PCDHGB2: variants seen among roughly 807,000 people sequenced by gnomAD.
PCDHGB2 encodes protocadherin gamma subfamily B, 2.
Under a neutral mutation model 59.3 loss-of-function variants are expected in PCDHGB2, and 55 were observed. The ratio of observed to expected loss-of-function variants is 0.93; its 90% CI spans 0.75 to 1.16. The LOEUF is 1.16. PCDHGB2 is among the 50% of genes most tolerant of loss of function. The pLI, the probability that PCDHGB2 is intolerant of heterozygous loss-of-function variation, is 0.00. For missense variants in PCDHGB2, 1,228 were observed against 1,198.5 expected (o/e 1.02, Z -0.36); for synonymous variants, 516 against 512.0 (o/e 1.01, Z -0.11).
At chr5:141,430,877 G>T in intron 1 of PCDHGB2, 1 of 1,600,796 alleles carries the variant, frequency 6.2e-7, no homozygotes. Flanking sequence ...GGAAGAGCTG[G>T]AGAAAGGCTC....
chr5:141,423,085 G>A, intron 1 of PCDHGB2: 1 of 1,614,072 alleles, frequency 6.2e-7, no homozygotes, highest in Non-Finnish European at 8.5e-7. Flanking sequence ...ACTCTTCGCG[G>A]TGGGGGAGCA....
At chr5:141,366,517 C>A (rs1764609891) in intron 1 of PCDHGB2, 1 of 1,614,130 alleles carries the variant, frequency 6.2e-7, no homozygotes, top group Admixed American at 1.7e-5. Flanking sequence ...AGGCTGAAGG[C>A]AGCAGGTTGG....
intron 1 of PCDHGB2, chr5:141,364,083 A>T: frequency 2.6e-6 from 1 of 382,740 alleles, no homozygotes; most frequent in Non-Finnish European, 4.6e-6. Context: ...GAGAAATAAA[A>T]ATGGAATTTG....
At chr5:141,399,805 T>C (rs776266997) in intron 1 of PCDHGB2, 26 of 1,613,074 alleles carry the variant, frequency 1.6e-5, no homozygotes, top group Non-Finnish European at 8.5e-7. Flanking sequence ...GCGGGTGCTG[T>C]ACCCCGCGCT....
intron 1 of PCDHGB2, chr5:141,375,350 A>C (rs1442876922): frequency 1.2e-6 from 2 of 1,613,744 alleles, no homozygotes; most frequent in African/African-American, 1.3e-5. Context: ...CATCACTGTG[A>C]CAGCCACGGA....
At chr5:141,464,413 A>G (rs2099083422) in intron 1 of PCDHGB2, among the ~76,000 whole-genome samples, 1 of 151,632 alleles carries the variant, frequency 6.6e-6, no homozygotes, top group African/African-American at 2.4e-5. Context: ...ATATATATAT[A>G]TCTATATATA....
Position 141,485,785 on chromosome 5 carries a change from G to C in PCDHGB2, c.2422-9022G>C. ...TGGAGAAGCCTTTGGATCGAGAGAAGCAATCGGACTACCGCCTGGTGCTGA... is the reference window on the plus strand; with the variant it reads ...TGGAGAAGCCTTTGGATCGAGAGAACCAATCGGACTACCGCCTGGTGCTGA... On this transcript the variant is annotated intron_variant, in intron 1 of 3. Coordinates refer to ENST00000522605, the MANE Select transcript of PCDHGB2 (RefSeq NM_018923.3). The surrounding 1 kb of genome is among the most constrained non-coding windows in gnomAD (Gnocchi z 5.7). The C allele has an allele frequency of 1.2e-6, 2 of 1,614,214 alleles. No individual in the cohort carries two copies. The highest frequency in any genetic ancestry group is 1.7e-6 in the Non-Finnish European group (2 of 1,180,030).
At chr5:141,415,015 A>C (rs2095814085) in intron 1 of PCDHGB2, 1 of 1,613,598 alleles carries the variant, frequency 6.2e-7, no homozygotes, top group East Asian at 2.2e-5. Flanking sequence ...CCGTCTGCTC[A>C]AGGCCAGCGA....
intron 2 of PCDHGB2, among the ~76,000 whole-genome samples, chr5:141,502,296 G>A (rs758304596): frequency 7.9e-5 from 12 of 151,130 alleles, no homozygotes; most frequent in Non-Finnish European, 1.2e-4. Context: ...TGGTTGTCAC[G>A]TCTTTCCTCT....
At chr5:141,472,040 G>T (rs1431219928) in intron 1 of PCDHGB2, among the ~76,000 whole-genome samples, 4 of 152,018 alleles carry the variant, frequency 2.6e-5, no homozygotes, top group Non-Finnish European at 5.9e-5. Flanking sequence ...GCTGTGAAAA[G>T]ATTTTAAAAA....
chr5:141,420,187 CA>C (rs779974762), intron 1 of PCDHGB2: 25 of 1,613,706 alleles, frequency 1.5e-5, no homozygotes, highest in Non-Finnish European at 2.1e-5. Flanking sequence ...ATTGTCCAGC[CA>C]CACAAGATAA....
intron 1 of PCDHGB2, chr5:141,415,452 C>G (rs2095870569): frequency 1.9e-6 from 3 of 1,614,122 alleles, no homozygotes; most frequent in Admixed American, 1.7e-5. Context: ...CCTATTCCCA[C>G]GAGGTCTCTC....
chr5:141,455,149 TTA>T (rs537241375), intron 1 of PCDHGB2, among the ~76,000 whole-genome samples: 1 of 148,248 alleles, frequency 6.7e-6, no homozygotes, highest in Non-Finnish European at 1.5e-5. Context: ...TAAATAAATA[TTA>T]GTTTGTTGGT....
Position 141,491,743 on chromosome 5 carries a change from A to G in PCDHGB2, c.2422-3064A>G, listed in dbSNP as rs752434173. ...GCCCCGGGCGACCCCTGGGGGCGGC[A>G]CTGGAGAAGCCGCCCGTCCTCATAA... On this transcript the variant is annotated intron_variant, in intron 1 of 3. Transcript: ENST00000522605. The surrounding 1 kb of genome is among the most constrained non-coding windows in gnomAD (Gnocchi z 6.9). 5.0e-6 allele frequency: 8 copies of G among 1,595,570 alleles called. No individual in the cohort carries two copies. In the Admixed American group the frequency reaches 1.4e-4, roughly 28 times the overall value.
chr5:141,363,442 C>G (rs1298018028), intron 1 of PCDHGB2, among the ~76,000 whole-genome samples: 1 of 152,178 alleles, frequency 6.6e-6, no homozygotes, highest in African/African-American at 2.4e-5. Flanking sequence ...AAAGGTCACT[C>G]AGTACTTCTC....
chr5:141,429,395 A>AAT (rs2097212201), intron 1 of PCDHGB2, among the ~76,000 whole-genome samples: 7 of 152,008 alleles, frequency 4.6e-5, no homozygotes, highest in African/African-American at 1.7e-4. Flanking sequence ...TTTAAAAAAA[A>AAT]TTGAGATTAA....
intron 1 of PCDHGB2, among the ~76,000 whole-genome samples, chr5:141,454,773 G>A (rs1272535268): frequency 6.9e-6 from 1 of 144,540 alleles, no homozygotes; most frequent in East Asian, 2.0e-4. Flanking sequence ...TTTTTTACAA[G>A]GAAATAATCC....
At chr5:141,461,131 T>G (rs1372557827) in intron 1 of PCDHGB2, among the ~76,000 whole-genome samples, 1 of 152,094 alleles carries the variant, frequency 6.6e-6, no homozygotes, top group Non-Finnish European at 1.5e-5. Flanking sequence ...TATAATTACT[T>G]ATTTTCCTTT....
In PCDHGB2 at chr5:141,491,607, T is replaced by G; in HGVS notation, c.2422-3200T>G. On this transcript the variant is annotated intron_variant, in intron 1 of 3. Coordinates refer to ENST00000522605, the MANE Select transcript of PCDHGB2 (RefSeq NM_018923.3). The surrounding 1 kb of genome is among the most constrained non-coding windows in gnomAD (Gnocchi z 6.9). ...CCTCGGACGGCAGTGACTTCACTTT[T>G]CTAAGACCCCTCAGCGTTCAGCAGC... 6.2e-7 allele frequency: 1 copy of G among 1,613,932 alleles called. No homozygotes were observed. The highest frequency in any genetic ancestry group is 1.1e-5 in the South Asian group (1 of 91,084).
Sources: gnomAD v4.1 joint callset for allele counts (sites outside exome capture counted in the v4.1 genomes callset) on GRCh38, gnomAD v4.1.1 for gene constraint, Gnocchi (gnomAD v3.1) non-coding constraint, MANE v1.5 for transcripts, NCBI Gene and HGNC (gene_info 2026-07-23, HGNC 2026-07-21) for gene names.